TNFRSF10A: variants seen among roughly 807,000 people sequenced by gnomAD.
The protein encoded by TNFRSF10A is TNF receptor superfamily member 10a.
TNFRSF10A carries 44 observed loss-of-function variants against 42.8 expected under a neutral mutation model. The observed-to-expected ratio is 1.03, with a 90% CI of 0.81 to 1.32. The LOEUF is 1.32. Ranked by LOEUF, TNFRSF10A falls within the 40% of genes most tolerant of loss-of-function variation. The probability of loss-of-function intolerance (pLI) is 0.00; values close to 1 mark genes in which losing one functional copy is unlikely to be tolerated. For synonymous variants in TNFRSF10A, 259 were observed against 234.2 expected, an observed-to-expected ratio of 1.11 and a Z score of -0.97; for missense variants, 680 against 602.0, an observed-to-expected ratio of 1.13 and a Z score of -1.36.
At chr8:23,201,776 G>A in intron 4 of TNFRSF10A, 32 bp downstream of exon 4, 1 of 1,599,012 alleles carries the variant, frequency 6.3e-7, no homozygotes, top group East Asian at 2.2e-5. Context: ...GGTTCTTTGA[G>A]GCTGCTGGGA....
At chr8:23,218,456 T>A (rs1260158864) in intron 1 of TNFRSF10A, among the ~76,000 whole-genome samples, 8 of 152,184 alleles carry the variant, frequency 5.3e-5, no homozygotes, top group African/African-American at 1.9e-4. Flanking sequence ...TGGTCGAAAA[T>A]CTGCTTCCTT....
rs1800761404 is a variant in TNFRSF10A at position 23,191,952 on chromosome 8, G to C, written c.1149C>G (p.Leu383=). The C allele has an allele frequency of 5.6e-6, 9 of 1,614,058 alleles. No individual in the cohort carries two copies. In the South Asian group the frequency reaches 9.9e-5, roughly 18 times the overall value. Residue 383 remains leucine (L), a synonymous_variant, in exon 10 of 10, where the codon CTC becomes CTG. Transcript: ENST00000221132. ...TTTTCGTGAGGTCCAGCTGCCTCATGAGCTGGTCCCAGGAGTCAAAGGGCA... is the reference window on the plus strand; with the variant it reads ...TTTTCGTGAGGTCCAGCTGCCTCATCAGCTGGTCCCAGGAGTCAAAGGGCA... ...NIVPFDSWDQ[L]MRQLDLTKNE...
At chr8:23,206,086 C>T (rs947476457) in intron 2 of TNFRSF10A, among the ~76,000 whole-genome samples, 1 of 151,962 alleles carries the variant, frequency 6.6e-6, no homozygotes, top group African/African-American at 2.4e-5. Flanking sequence ...GTTAAAAATA[C>T]AAAAATGTTT....
intron 8 of TNFRSF10A, 99 bp downstream of exon 8, chr8:23,199,167 C>G (rs1403587593): frequency 3.4e-6 from 5 of 1,450,332 alleles, no homozygotes; most frequent in African/African-American, 2.8e-5. Context: ...CCTGCAGTCC[C>G]ATCTCCCTCA....
At chr8:23,200,459 G>A (rs368374905) in intron 6 of TNFRSF10A, 46 bp downstream of exon 6, 39 of 1,591,384 alleles carry the variant, frequency 2.5e-5, no homozygotes, top group Non-Finnish European at 3.2e-5. Context: ...ACAGAAGAAG[G>A]CAGGGCAGAG....
At chr8:23,196,631 C>T (rs191470027) in intron 9 of TNFRSF10A, among the ~76,000 whole-genome samples, 10 of 152,348 alleles carry the variant, frequency 6.6e-5, no homozygotes, top group African/African-American at 2.4e-4. Flanking sequence ...TACTAATTGT[C>T]TCAGTGATTG....
Position 23,191,546 on chromosome 8 carries a change from C to T in TNFRSF10A, c.*148G>A, listed in dbSNP as rs1214229082. On this transcript the variant is annotated 3_prime_UTR_variant, in exon 10 of 10. Transcript: ENST00000221132. The stretch of plus-strand genomic sequence containing the variant: ...AACTTCTGACCTCAAGTGATCCACC[C>T]GCCTCAGCCTCCCAAAGTGCTGGGA... The T allele has an allele frequency of 2.0e-5, 24 of 1,194,994 alleles. No individual in the cohort carries two copies. Among genetic ancestry groups the T allele is most frequent in the African/African-American group, 2.0e-4 (13 of 64,946 alleles). The allele number at this position is 1,194,994 out of a possible 1,614,324, so 74.0% of individuals were successfully genotyped here. A position where few individuals can be genotyped will look rare whatever the true frequency, so the allele number is the denominator to read the frequency against.
chr8:23,197,411 C>A, intron 8 of TNFRSF10A: 1 of 593,992 alleles, frequency 1.7e-6, no homozygotes, highest in South Asian at 1.9e-5. Context: ...CCGGTCAGAT[C>A]AGTGGCAACA....
At chr8:23,200,851 C>G in intron 4 of TNFRSF10A, 91 bp from the exon 5 acceptor site, 1 of 1,196,820 alleles carries the variant, frequency 8.4e-7, no homozygotes, top group South Asian at 1.2e-5. Flanking sequence ...GCCCAATGTC[C>G]CTGAGAAGGC....
At chr8:23,199,728 G>C (rs1037260299) in intron 7 of TNFRSF10A, among the ~76,000 whole-genome samples, 158 bp downstream of exon 7, 1 of 152,186 alleles carries the variant, frequency 6.6e-6, no homozygotes, top group African/African-American at 2.4e-5. Context: ...ATGCTCAAAA[G>C]GGCCTGTGTC....
intron 1 of TNFRSF10A, among the ~76,000 whole-genome samples, chr8:23,222,946 A>C (rs1056447782): frequency 7.3e-5 from 11 of 151,646 alleles, no homozygotes; most frequent in African/African-American, 2.7e-4. Flanking sequence ...CTTCACCACC[A>C]GTGGAAGTTT....
intron 1 of TNFRSF10A, among the ~76,000 whole-genome samples, chr8:23,223,779 C>T (rs1585290583): frequency 6.6e-6 from 1 of 152,198 alleles, no homozygotes; most frequent in East Asian, 1.9e-4. Flanking sequence ...GAACTGAAGG[C>T]ATTGGCATTT....
At chr8:23,214,806 C>T (rs757172062) in intron 1 of TNFRSF10A, among the ~76,000 whole-genome samples, 1 of 152,106 alleles carries the variant, frequency 6.6e-6, no homozygotes, top group Non-Finnish European at 1.5e-5. Flanking sequence ...GATACTGAAT[C>T]AAATATTAAA....
chr8:23,204,654 C>T (rs1055010958), intron 2 of TNFRSF10A, among the ~76,000 whole-genome samples: 1 of 152,122 alleles, frequency 6.6e-6, no homozygotes, highest in Admixed American at 6.5e-5. Flanking sequence ...TATGCTTGGC[C>T]ATAAGATAAA....
At position 23,197,277 on chromosome 8, in the gene TNFRSF10A, GC is replaced by G. The variant is rs1394830916; in HGVS notation, c.1015-74del. 2.5e-6 allele frequency: 4 copies of G among 1,572,200 alleles called. No homozygotes were observed. In the African/African-American group the frequency reaches 5.4e-5, roughly 21 times the overall value. ...AGTCTAGTACTGACTCTGACCATCA[GC>G]CAGCCCGGAAACCTGCAGCACATCA... On this transcript the variant is annotated intron_variant, in intron 8 of 9. Coordinates refer to ENST00000221132, the MANE Select transcript of TNFRSF10A (RefSeq NM_003844.4).
chr8:23,224,603 C>T, intron 1 of TNFRSF10A, 153 bp downstream of exon 1: 1 of 1,070,272 alleles, frequency 9.3e-7, no homozygotes, highest in Non-Finnish European at 1.3e-6. Context: ...GGACCCCGTT[C>T]TTCCTCCGAC....
chr8:23,206,926 G>A, intron 2 of TNFRSF10A: 1 of 290,472 alleles, frequency 3.4e-6, no homozygotes. Context: ...AGATGGCACT[G>A]AAAGCAAAGA....
chr8:23,223,783 G>C (rs1801290164), intron 1 of TNFRSF10A, among the ~76,000 whole-genome samples: 1 of 152,190 alleles, frequency 6.6e-6, no homozygotes, highest in Admixed American at 6.5e-5. Context: ...TGAAGGCATT[G>C]GCATTTTTCC....
chr8:23,203,779 G>GCTTCTT, intron 2 of TNFRSF10A, among the ~76,000 whole-genome samples: 1 of 149,686 alleles, frequency 6.7e-6, no homozygotes, highest in East Asian at 2.0e-4. Context: ...AAATAATAAA[G>GCTTCTT]GCTTTTTTTT....
Sources: gnomAD v4.1 joint callset for allele counts (sites outside exome capture counted in the v4.1 genomes callset) on GRCh38, gnomAD v4.1.1 for gene constraint, MANE v1.5 for transcripts, NCBI Gene and HGNC (gene_info 2026-07-23, HGNC 2026-07-21) for gene names.